The following PCCA variants were observed in gnomAD, a reference collection of about 807,000 sequenced individuals.
PCCA encodes propionyl-CoA carboxylase subunit alpha.
A neutral mutation model predicts 101.3 loss-of-function variants in PCCA; 74 were observed. The ratio of observed to expected loss-of-function variants is 0.73; its 90% CI spans 0.61 to 0.89. The LOEUF (loss-of-function observed/expected upper bound fraction) is 0.89. Among genes scored for constraint, PCCA ranks in the 40% least tolerant of loss-of-function variants. The probability of loss-of-function intolerance (pLI) is 0.00; values close to 1 mark genes in which losing one functional copy is unlikely to be tolerated. For missense variants in PCCA, 891 were observed against 907.0 expected (o/e 0.98, Z 0.23); for synonymous variants, 294 against 313.6 (o/e 0.94, Z 0.66).
intron 12 of PCCA, among the ~76,000 whole-genome samples, chr13:100,297,920 G>C (rs142599782): frequency 1.4e-4 from 21 of 151,764 alleles, no homozygotes; most frequent in Admixed American, 2.0e-4. Flanking sequence ...ATTTGTCTTT[G>C]AGGATTCAGG....
chr13:100,274,602 C>T (rs1285415338), intron 12 of PCCA, among the ~76,000 whole-genome samples: 1 of 152,112 alleles, frequency 6.6e-6, no homozygotes, highest in African/African-American at 2.4e-5. Flanking sequence ...TCTGGTGTTG[C>T]CGACAGTCCT....
intron 13 of PCCA, among the ~76,000 whole-genome samples, chr13:100,301,840 T>C (rs2066086941): frequency 6.6e-6 from 1 of 152,252 alleles, no homozygotes. Context: ...CTACCAATCC[T>C]TTAAGAGGCA....
At chr13:100,400,630 C>CTTTTTTTT (rs1281449669) in intron 19 of PCCA, among the ~76,000 whole-genome samples, 73 of 90,954 alleles carry the variant, frequency 8.0e-4, no homozygotes, top group African/African-American at 3.8e-3. Context: ...CTTTTTAGTT[C>CTTTTTTTT]TTTTTTTTTT....
chr13:100,108,607 C>T (rs2048026651), intron 2 of PCCA, among the ~76,000 whole-genome samples: 1 of 152,192 alleles, frequency 6.6e-6, no homozygotes. Flanking sequence ...GCTCCCTTCT[C>T]TGTGTGTAGC....
At chr13:100,301,632 T>C in intron 13 of PCCA, 29 bp downstream of exon 13, 2 of 1,613,486 alleles carry the variant, frequency 1.2e-6, no homozygotes, top group Non-Finnish European at 1.7e-6. Flanking sequence ...GGAGGAAGGA[T>C]GGTGGTTATG....
chr13:100,172,453 A>G (rs2055783837), intron 6 of PCCA, among the ~76,000 whole-genome samples: 1 of 152,118 alleles, frequency 6.6e-6, no homozygotes, highest in South Asian at 2.1e-4. Context: ...TGTCTTTTAG[A>G]CATATTTGTT....
intron 4 of PCCA, among the ~76,000 whole-genome samples, chr13:100,138,807 C>T (rs768976828): frequency 2.6e-5 from 4 of 151,768 alleles, no homozygotes; most frequent in East Asian, 1.9e-4. Flanking sequence ...CAGTGGTAGG[C>T]GTCTGTAATC....
At chr13:100,329,903 C>T (rs1398906474) in intron 16 of PCCA, among the ~76,000 whole-genome samples, 2 of 152,176 alleles carry the variant, frequency 1.3e-5, no homozygotes, top group Non-Finnish European at 2.9e-5. Flanking sequence ...ATGGGATACA[C>T]CAAAAACTGC....
At chr13:100,421,787 C>G (rs981011626) in intron 19 of PCCA, among the ~76,000 whole-genome samples, 2 of 151,992 alleles carry the variant, frequency 1.3e-5, no homozygotes, top group Non-Finnish European at 2.9e-5. Context: ...CAGGTTCAAG[C>G]GATTCTCCTG....
intron 12 of PCCA, among the ~76,000 whole-genome samples, chr13:100,285,159 G>T (rs897001344): frequency 2.0e-5 from 3 of 152,170 alleles, no homozygotes; most frequent in Non-Finnish European, 4.4e-5. Context: ...AGTTGTGGGG[G>T]TTCCTTGGAA....
At chr13:100,488,623 TTTTTGTTTTGTTTTTTTTTTG>T (rs543955440) in intron 21 of PCCA, among the ~76,000 whole-genome samples, 15,111 of 135,186 alleles carry the variant, frequency 0.11, 1,292 homozygotes, top group African/African-American at 0.24. Context: ...AAGTTTTGTT[TTTTTGTTTTGTTTTTTTTTTG>T]TTTTTTTTTT....
intron 17 of PCCA, among the ~76,000 whole-genome samples, chr13:100,339,466 A>G (rs933471631): frequency 6.6e-6 from 1 of 152,186 alleles, no homozygotes; most frequent in African/African-American, 2.4e-5. Flanking sequence ...GTGTTAACCT[A>G]TAGACCCTGG....
At chr13:100,445,525 G>A (rs901576822) in intron 20 of PCCA, among the ~76,000 whole-genome samples, 1 of 151,844 alleles carries the variant, frequency 6.6e-6, no homozygotes, top group East Asian at 1.9e-4. Flanking sequence ...TAGCTTTCTC[G>A]TACCTATTTC....
chr13:100,135,927 G>A (rs1262169409), intron 4 of PCCA, among the ~76,000 whole-genome samples: 1 of 152,016 alleles, frequency 6.6e-6, no homozygotes, highest in Admixed American at 6.6e-5. Flanking sequence ...CCTTTTGATT[G>A]TAATATGCTA....
chr13:100,463,350 T>G (rs1463983502), intron 21 of PCCA, among the ~76,000 whole-genome samples: 2 of 149,674 alleles, frequency 1.3e-5, no homozygotes, highest in African/African-American at 2.5e-5. Context: ...TTTTTTTTTT[T>G]TTTTTTTTTG....
chr13:100,495,965 C>T (rs893008913), intron 21 of PCCA, among the ~76,000 whole-genome samples: 78 of 131,484 alleles, frequency 5.9e-4, no homozygotes, highest in African/African-American at 2.2e-3. Flanking sequence ...GTATTCCTCT[C>T]TTTCTCTCTC....
chr13:100,497,491 A>G (rs1476314581), intron 21 of PCCA, among the ~76,000 whole-genome samples: 2 of 150,512 alleles, frequency 1.3e-5, no homozygotes, highest in East Asian at 1.9e-4. Context: ...TTTTAGTGGC[A>G]GTAAGTACTG....
intron 12 of PCCA, among the ~76,000 whole-genome samples, chr13:100,280,945 C>T (rs531918636): frequency 1.3e-5 from 2 of 152,060 alleles, no homozygotes; most frequent in South Asian, 2.1e-4. Context: ...GGTGCCACTG[C>T]ACTCCAGCCT....
intron 19 of PCCA, among the ~76,000 whole-genome samples, chr13:100,383,128 C>T (rs2076319133): frequency 6.6e-6 from 1 of 151,908 alleles, no homozygotes; most frequent in Non-Finnish European, 1.5e-5. Flanking sequence ...GTAGCTGAGA[C>T]TACAGGGGCA....
Sources: gnomAD v4.1 joint callset for allele counts (sites outside exome capture counted in the v4.1 genomes callset) on GRCh38, gnomAD v4.1.1 for gene constraint, MANE v1.5 for transcripts, NCBI Gene and HGNC (gene_info 2026-07-23, HGNC 2026-07-21) for gene names.